The following ADCY5 variants were observed in gnomAD, a reference collection of about 807,000 sequenced individuals.
ADCY5 encodes adenylate cyclase type 5.
ADCY5 carries 30 observed loss-of-function variants against 119.7 expected under a neutral mutation model. That is an observed-to-expected ratio of 0.25 (90% CI 0.19 to 0.34). ADCY5 has a LOEUF of 0.34. ADCY5 is among the 10% of genes least tolerant of loss of function. ADCY5 has a pLI of 1.00. For synonymous variants in ADCY5, 753 were observed against 762.2 expected (o/e 0.99, Z 0.20); for missense variants, 1,324 against 1,775.2 (o/e 0.75, Z 4.57).
At chr3:123,303,733 G>A (rs557626157) in intron 13 of ADCY5, among the ~76,000 whole-genome samples, 1 of 152,304 alleles carries the variant, frequency 6.6e-6, no homozygotes, top group South Asian at 2.1e-4. Context: ...GCTGAGGCAG[G>A]AGGACCTCTT....
chr3:123,362,973 C>A (rs1276200679), intron 1 of ADCY5, among the ~76,000 whole-genome samples: 1 of 151,658 alleles, frequency 6.6e-6, no homozygotes, highest in Non-Finnish European at 1.5e-5. Flanking sequence ...GAAACCCTGT[C>A]TCTACTAAAA....
intron 12 of ADCY5, among the ~76,000 whole-genome samples, chr3:123,305,249 G>A (rs1940136901): frequency 6.6e-6 from 1 of 152,200 alleles, no homozygotes; most frequent in Non-Finnish European, 1.5e-5. Flanking sequence ...ATCATGGGCT[G>A]TGAGCATCCC....
chr3:123,322,157 C>A (rs1313285949), intron 8 of ADCY5, among the ~76,000 whole-genome samples: 1 of 152,206 alleles, frequency 6.6e-6, no homozygotes, highest in Non-Finnish European at 1.5e-5. Context: ...TGGCGGGCAG[C>A]AGAGAGCTGG....
chr3:123,403,380 C>CAAAAAA (rs35626615), intron 1 of ADCY5, among the ~76,000 whole-genome samples: 2 of 68,506 alleles, frequency 2.9e-5, no homozygotes, highest in African/African-American at 1.3e-4. Flanking sequence ...GACCCTGTCT[C>CAAAAAA]AAAAAAAAAA....
chr3:123,355,596 T>C (rs1180612934), intron 1 of ADCY5, among the ~76,000 whole-genome samples: 1 of 151,708 alleles, frequency 6.6e-6, no homozygotes, highest in African/African-American at 2.4e-5. Flanking sequence ...GAGTGCACCA[T>C]TTAAATAGCA....
At chr3:123,316,788 T>C (rs920412658) in intron 11 of ADCY5, among the ~76,000 whole-genome samples, 5 of 152,290 alleles carry the variant, frequency 3.3e-5, no homozygotes, top group Non-Finnish European at 7.3e-5. Context: ...TTTTTTGGTA[T>C]ATAAAGTATT....
intron 1 of ADCY5, among the ~76,000 whole-genome samples, chr3:123,431,052 C>T (rs988863808): frequency 6.6e-6 from 1 of 152,090 alleles, no homozygotes; most frequent in Non-Finnish European, 1.5e-5. Context: ...GGGGAGTTGC[C>T]GGCTATATAA....
At chr3:123,379,791 C>T (rs1248099746) in intron 1 of ADCY5, among the ~76,000 whole-genome samples, 3 of 152,162 alleles carry the variant, frequency 2.0e-5, no homozygotes, top group Non-Finnish European at 4.4e-5. Context: ...ATCAGACCTT[C>T]TGTGAACAGC....
intron 1 of ADCY5, among the ~76,000 whole-genome samples, chr3:123,401,546 A>T (rs1395997276): frequency 6.6e-6 from 1 of 152,214 alleles, no homozygotes; most frequent in Non-Finnish European, 1.5e-5. Context: ...AGGGAGAGAC[A>T]TCACCCTCAA....
chr3:123,346,607 T>TTCTCTCTCTCTCTCTCTCTCTCTC lies in ADCY5; in HGVS notation c.1406+1151_1406+1174dup, dbSNP rs72299981. Among the ~76,000 whole-genome samples, 1,237 of 127,396 alleles carry TTCTCTCTCTCTCTCTCTCTCTCTC rather than the reference T, an allele frequency of 9.7e-3. 2 individuals are homozygous for TTCTCTCTCTCTCTCTCTCTCTCTC. Among genetic ancestry groups the TTCTCTCTCTCTCTCTCTCTCTCTC allele is most frequent in the Non-Finnish European group, 0.015 (838 of 55,646 alleles). The allele number at this position is 127,396 out of a possible 152,430, so 83.6% of individuals were successfully genotyped here. Reference sequence around the variant, plus strand: ...CACCCCTACTGCTGTCAGCCTCACCTTCTCTCTCTCTCTCTCTCTCTCTCT... The same window carrying TTCTCTCTCTCTCTCTCTCTCTCTC: ...CACCCCTACTGCTGTCAGCCTCACCTTCTCTCTCTCTCTCTCTCTCTCTCTCTCTCTCTCTCTCTCTCTCTCTCT... On this transcript the variant is annotated intron_variant, in intron 3 of 20. Coordinates refer to ENST00000462833, the MANE Select transcript of ADCY5 (RefSeq NM_183357.3).
intron 1 of ADCY5, among the ~76,000 whole-genome samples, chr3:123,377,209 C>T (rs113443135): frequency 0.02 from 3,108 of 152,296 alleles, 50 homozygotes; most frequent in Middle Eastern, 0.044. Flanking sequence ...ACTTCCAAGT[C>T]TCTTGGAATA....
At chr3:123,334,553 C>T (rs1941934261) in intron 3 of ADCY5, among the ~76,000 whole-genome samples, 1 of 152,142 alleles carries the variant, frequency 6.6e-6, no homozygotes, top group Admixed American at 6.5e-5. Context: ...GCCTGGCCAA[C>T]ATGGCAAAAC....
In ADCY5 at chr3:123,282,642, T is replaced by A. The variant is rs759003230; in HGVS notation, c.*1966A>T. The stretch of plus-strand genomic sequence containing the variant: ...CAGCTGGAAGAAAGCAGGCCTCCTG[T>A]GGCCGACGTCAGGATGGCAATGCAG... On this transcript the variant is annotated 3_prime_UTR_variant, in exon 21 of 21. Transcript: ENST00000462833. 1 of 152,368 alleles carries A rather than the reference T, an allele frequency of 6.6e-6. No homozygotes were observed. The highest frequency in any genetic ancestry group is 1.5e-5 in the Non-Finnish European group (1 of 68,146). 9.4% of individuals were successfully genotyped at this position (152,368 alleles called of 1,614,324 possible).
intron 1 of ADCY5, among the ~76,000 whole-genome samples, chr3:123,355,447 G>C (rs1943006447): frequency 1.3e-5 from 2 of 152,104 alleles, no homozygotes; most frequent in African/African-American, 4.8e-5. Flanking sequence ...ATGGCTGGTT[G>C]AATCTGTGGA....
chr3:123,307,716 A>C (rs1304870657), intron 12 of ADCY5, among the ~76,000 whole-genome samples: 3 of 152,020 alleles, frequency 2.0e-5, no homozygotes, highest in Non-Finnish European at 4.4e-5. Flanking sequence ...CACCCCATCC[A>C]CTGATTGAGA....
At chr3:123,356,498 A>T (rs1275340335) in intron 1 of ADCY5, among the ~76,000 whole-genome samples, 1 of 152,236 alleles carries the variant, frequency 6.6e-6, no homozygotes, top group Non-Finnish European at 1.5e-5. Flanking sequence ...GAGTAAAAAA[A>T]AGTGGTGCTA....
chr3:123,442,007 CCAATTTTG>C, intron 1 of ADCY5, among the ~76,000 whole-genome samples: 1 of 148,602 alleles, frequency 6.7e-6, no homozygotes, highest in South Asian at 2.1e-4. Context: ...GCAGGGCTTT[CCAATTTTG>C]CAATTTTGTG....
intron 4 of ADCY5, 52 bp downstream of exon 4, chr3:123,332,512 C>A: frequency 7.3e-7 from 1 of 1,373,728 alleles, no homozygotes; most frequent in Admixed American, 1.8e-5. Flanking sequence ...ACAGCAGCCT[C>A]CCTCAACAGC....
rs1474476053 is a variant in ADCY5, at chr3:123,284,881, CAG to C, written c.3658-147_3658-146del. ...GGCAGCTGCCCCACTGAGGTGCTCT[CAG>C]GGACTGACAGACAGCAGCTCACCAT... On this transcript the variant is annotated intron_variant, in intron 20 of 20. Coordinates refer to ENST00000462833, the MANE Select transcript of ADCY5 (RefSeq NM_183357.3). 105 of 1,075,630 alleles carry C rather than the reference CAG, an allele frequency of 9.8e-5. 1 individual carries two copies. The South Asian group carries it at 1.3e-3, about 13-fold the overall frequency. 66.6% of individuals were successfully genotyped at this position (1,075,630 alleles called of 1,614,324 possible).
Sources: allele counts gnomAD v4.1 joint callset (sites outside exome capture counted in the v4.1 genomes callset), GRCh38; gene constraint gnomAD v4.1.1; transcripts MANE v1.5; gene names NCBI Gene and HGNC (gene_info 2026-07-23, HGNC 2026-07-21).